The following NALF1 variants were observed in gnomAD, a reference collection of about 807,000 sequenced individuals.
NALF1 encodes family with sequence similarity 155 member A.
A neutral mutation model predicts 48.4 loss-of-function variants in NALF1; 3 were observed. The ratio of observed to expected loss-of-function variants is 0.06; its 90% CI spans 0.03 to 0.16. The LOEUF is 0.16. Among genes scored for constraint, NALF1 ranks in the 10% least tolerant of loss-of-function variants. NALF1 has a pLI of 1.00. For missense variants in NALF1, 526 were observed against 571.5 expected, an observed-to-expected ratio of 0.92 and a Z score of 0.81; for synonymous variants, 262 against 245.7, an observed-to-expected ratio of 1.07 and a Z score of -0.62.
At chr13:107,331,536 A>C (rs1204939006) in intron 1 of NALF1, among the ~76,000 whole-genome samples, 1 of 152,160 alleles carries the variant, frequency 6.6e-6, no homozygotes. Context: ...TTACCATAAA[A>C]GTGATGGCCA....
intron 2 of NALF1, among the ~76,000 whole-genome samples, chr13:107,186,659 C>A (rs1158524555): frequency 6.6e-6 from 1 of 152,224 alleles, no homozygotes; most frequent in Non-Finnish European, 1.5e-5. Context: ...AGCCACCATG[C>A]CCGGCCCATT....
chr13:107,644,646 C>CAT (rs58981652), intron 1 of NALF1, among the ~76,000 whole-genome samples: 4,313 of 108,312 alleles, frequency 0.04, 170 homozygotes, highest in Middle Eastern at 0.071. Context: ...TACATACATA[C>CAT]ATATATATAT....
intron 1 of NALF1, among the ~76,000 whole-genome samples, chr13:107,548,616 A>G (rs2139126651): frequency 6.6e-6 from 1 of 151,850 alleles, no homozygotes; most frequent in East Asian, 2.0e-4. Context: ...CCCCTCCACA[A>G]TCTATCAACT....
In NALF1 at chr13:107,394,528, A is replaced by G. The variant is rs189752484; in HGVS notation, c.916-183773T>C. On this transcript the variant is annotated intron_variant, in intron 1 of 2. Coordinates refer to ENST00000375915, the MANE Select transcript of NALF1 (RefSeq NM_001080396.3). Reference sequence around the variant, plus strand: ...GGGGCCATCACAGGCCTGTGTATAGACATATCTCATTACCAGGGTAGTAAG... The same window carrying G: ...GGGGCCATCACAGGCCTGTGTATAGGCATATCTCATTACCAGGGTAGTAAG... Among the ~76,000 whole-genome samples the G allele has an allele frequency of 2.0e-3, 300 of 152,312 alleles. 1 individual carries two copies. Among genetic ancestry groups the G allele is most frequent in the African/African-American group, 6.4e-3 (265 of 41,584 alleles).
chr13:107,672,899 T>C (rs1881023599), intron 1 of NALF1, among the ~76,000 whole-genome samples: 1 of 152,110 alleles, frequency 6.6e-6, no homozygotes, highest in Non-Finnish European at 1.5e-5. Flanking sequence ...TCTTCGCCTT[T>C]TTCTCCCCGC....
At chr13:107,333,004 C>T (rs1315027633) in intron 1 of NALF1, among the ~76,000 whole-genome samples, 2 of 152,054 alleles carry the variant, frequency 1.3e-5, no homozygotes, top group African/African-American at 4.8e-5. Context: ...TGCCACCACA[C>T]CCAGCTAATT....
In NALF1 at chr13:107,330,374, C is replaced by T. The variant is rs748932706; in HGVS notation, c.916-119619G>A. Reference sequence around the variant, plus strand: ...TCAATATTTGTCAATATCACCATAACGGAATATTTAAATTTCGATCTGTAT... The same window carrying T: ...TCAATATTTGTCAATATCACCATAATGGAATATTTAAATTTCGATCTGTAT... On this transcript the variant is annotated intron_variant, in intron 1 of 2. Coordinates refer to ENST00000375915, the MANE Select transcript of NALF1 (RefSeq NM_001080396.3). 7.9e-5 allele frequency among the ~76,000 whole-genome samples: 12 copies of T among 152,224 alleles called. No homozygotes were observed. In the Middle Eastern group the frequency reaches 0.01, roughly 129 times the overall value.
intron 1 of NALF1, among the ~76,000 whole-genome samples, chr13:107,490,371 A>G (rs1204649555): frequency 6.6e-6 from 1 of 152,216 alleles, no homozygotes; most frequent in Admixed American, 6.5e-5. Context: ...ACCATGGAAT[A>G]CTATGCAGTC....
intron 1 of NALF1, among the ~76,000 whole-genome samples, chr13:107,339,422 T>C (rs955377406): frequency 6.6e-6 from 1 of 152,004 alleles, no homozygotes; most frequent in Non-Finnish European, 1.5e-5. Context: ...TTTGTGAAAA[T>C]ATAGCTCCTC....
intron 1 of NALF1, among the ~76,000 whole-genome samples, chr13:107,582,588 T>G (rs1285926557): frequency 6.6e-6 from 1 of 152,144 alleles, no homozygotes; most frequent in Non-Finnish European, 1.5e-5. Flanking sequence ...GGGTCAGAAT[T>G]TAAAGAAGAT....
intron 1 of NALF1, among the ~76,000 whole-genome samples, chr13:107,633,721 GTA>G (rs71121539): frequency 1.2e-3 from 171 of 145,800 alleles, no homozygotes; most frequent in African/African-American, 4.1e-3. Flanking sequence ...ATATGTGTGT[GTA>G]TATATATATA....
intron 1 of NALF1, among the ~76,000 whole-genome samples, chr13:107,770,033 C>T (rs1877533989): frequency 1.3e-5 from 2 of 152,314 alleles, no homozygotes; most frequent in South Asian, 4.1e-4. Flanking sequence ...CTGCCTCAGC[C>T]TCCTGAGTAG....
At chr13:107,422,093 G>A (rs937493131) in intron 1 of NALF1, among the ~76,000 whole-genome samples, 30 of 151,972 alleles carry the variant, frequency 2.0e-4, no homozygotes, top group African/African-American at 7.3e-4. Flanking sequence ...CACTCCTTGG[G>A]GTGGAACCAC....
intron 1 of NALF1, among the ~76,000 whole-genome samples, chr13:107,697,326 C>G (rs1255608548): frequency 6.6e-6 from 1 of 151,954 alleles, no homozygotes; most frequent in East Asian, 1.9e-4. Flanking sequence ...TTGTGAATAC[C>G]TCACATGAAG....
intron 1 of NALF1, among the ~76,000 whole-genome samples, chr13:107,530,301 T>C (rs995460302): frequency 1.3e-5 from 2 of 152,122 alleles, no homozygotes; most frequent in Non-Finnish European, 2.9e-5. Flanking sequence ...TCCCAATCCA[T>C]AATTATTTTT....
chr13:107,332,394 A>C (rs1323487052), intron 1 of NALF1, among the ~76,000 whole-genome samples: 1 of 152,220 alleles, frequency 6.6e-6, no homozygotes, highest in South Asian at 2.1e-4. Flanking sequence ...GCAGGAGTAG[A>C]AAAATACAAC....
intron 1 of NALF1, among the ~76,000 whole-genome samples, chr13:107,462,308 G>GA (rs957522355): frequency 2.8e-4 from 41 of 148,806 alleles, no homozygotes; most frequent in African/African-American, 8.4e-4. Context: ...TAAAATGAAA[G>GA]AAAAAAAAAT....
intron 2 of NALF1, among the ~76,000 whole-genome samples, chr13:107,184,038 C>T (rs148279711): frequency 6.6e-6 from 1 of 150,736 alleles, no homozygotes; most frequent in Non-Finnish European, 1.5e-5. Context: ...AGTGCAGTGG[C>T]ATGATCATGG....
intron 1 of NALF1, among the ~76,000 whole-genome samples, chr13:107,355,041 G>A (rs954404961): frequency 1.5e-4 from 23 of 152,210 alleles, no homozygotes; most frequent in South Asian, 2.1e-4. Context: ...TTTCCTGGCA[G>A]GGAGGCTGCA....
Sources: gnomAD v4.1 joint callset for allele counts (sites outside exome capture counted in the v4.1 genomes callset) on GRCh38, gnomAD v4.1.1 for gene constraint, MANE v1.5 for transcripts, NCBI Gene and HGNC (gene_info 2026-07-23, HGNC 2026-07-21) for gene names.